PARP14: variants seen among roughly 807,000 people sequenced by gnomAD.
PARP14 encodes protein mono-ADP-ribosyltransferase PARP14.
PARP14 carries 59 observed loss-of-function variants against 154.2 expected under a neutral mutation model. The observed-to-expected ratio is 0.38, with a 90% CI of 0.31 to 0.48. The LOEUF is 0.48. Ranked by LOEUF, PARP14 falls within the 20% of genes least tolerant of loss-of-function variation. The probability of loss-of-function intolerance (pLI) is 0.98; values close to 1 mark genes in which losing one functional copy is unlikely to be tolerated. For missense variants in PARP14, 1,734 were observed against 2,131.6 expected (o/e 0.81, Z 3.67); for synonymous variants, 720 against 780.5 (o/e 0.92, Z 1.29).
Position 122,718,740 on chromosome 3 carries a change from G to A in PARP14, c.4589G>A (p.Cys1530Tyr). ...LAKEQESRAD[C>Y]ISEFIEWQYN... ...AAAGAACAGGAATCCCGGGCAGATTGTATCAGTGAGTTTATAGAATGGCAG... is the reference window on the plus strand; with the variant it reads ...AAAGAACAGGAATCCCGGGCAGATTATATCAGTGAGTTTATAGAATGGCAG... The change falls in exon 14 of 17, where the codon TGT becomes TAT. Residue 1530 changes from cysteine (C) to tyrosine (Y), a missense_variant. Physicochemically the swap from Cys to Tyr is radical, Grantham distance 194. This residue lies in a region of PARP14 where 1,646 missense variants were observed against 1,976.0 expected (regional missense o/e 0.83). Coordinates refer to ENST00000474629, the MANE Select transcript of PARP14 (RefSeq NM_017554.3). 1 of 1,613,422 alleles carries A rather than the reference G, an allele frequency of 6.2e-7. No individual in the cohort carries two copies. Among genetic ancestry groups the A allele is most frequent in the South Asian group, 1.1e-5 (1 of 91,028 alleles).
At chr3:122,698,228 G>C (rs1281481203) in intron 5 of PARP14, among the ~76,000 whole-genome samples, 1 of 152,188 alleles carries the variant, frequency 6.6e-6, no homozygotes, top group Non-Finnish European at 1.5e-5. Flanking sequence ...CTTGATACCA[G>C]CTCTAGGACC....
rs766082840 is a variant in PARP14 at position 122,701,057 on chromosome 3, G to A, written c.2503G>A (p.Ala835Thr). The change falls in exon 6 of 17, where the codon GCT becomes ACT. Residue 835 changes from alanine to threonine, a missense_variant. Coordinates refer to ENST00000474629, the MANE Select transcript of PARP14 (RefSeq NM_017554.3). The surrounding 1 kb of genome is among the most constrained non-coding windows in gnomAD (Gnocchi z 4.0). ...CCTTAAGCATTATGGTGGCCTGGCC[G>A]CTGCGCTCTCAAAAGCAGCTGGCCC... The part of the protein sequence containing the change: ...EDLKHYGGLA[A>T]ALSKAAGPEL... 7 of 1,613,938 alleles carry A rather than the reference G, an allele frequency of 4.3e-6. No homozygotes were observed. Among genetic ancestry groups the A allele is most frequent in the Non-Finnish European group, 5.1e-6 (6 of 1,179,836 alleles).
At chr3:122,685,134 A>G in intron 1 of PARP14, 51 bp from the exon 2 acceptor site, 2 of 1,599,022 alleles carry the variant, frequency 1.3e-6, no homozygotes, top group Non-Finnish European at 1.7e-6. Flanking sequence ...ATAATTTTGT[A>G]AATAAAGATT....
rs777089985 is a variant in PARP14 at position 122,701,229 on chromosome 3, G to A, written c.2675G>A (p.Arg892Lys). 6.2e-7 allele frequency: 1 copy of A among 1,613,630 alleles called. No individual in the cohort carries two copies. Among genetic ancestry groups the A allele is most frequent in the Non-Finnish European group, 8.5e-7 (1 of 1,179,726 alleles). ...GPRWSGYEAP[R>K]CVYLLRRAVQ... ...CGCTGGAGCGGATATGAGGCCCCGA[G>A]GTGTGTGTACCTATTAAGGAGAGCT... The change falls in exon 6 of 17, where the codon AGG becomes AAG. Residue 892 changes from arginine to lysine, a missense_variant. Coordinates refer to ENST00000474629, the MANE Select transcript of PARP14 (RefSeq NM_017554.3). The surrounding 1 kb of genome is among the most constrained non-coding windows in gnomAD (Gnocchi z 4.0).
At chr3:122,714,007 T>C in intron 11 of PARP14, 73 bp downstream of exon 11, 1 of 1,148,288 alleles carries the variant, frequency 8.7e-7, no homozygotes, top group Non-Finnish European at 1.3e-6. Flanking sequence ...AGAAAAGTCT[T>C]AGGGTTGGGG....
intron 3 of PARP14, among the ~76,000 whole-genome samples, chr3:122,688,407 C>T (rs1018661230): frequency 1.3e-5 from 2 of 152,164 alleles, no homozygotes; most frequent in Non-Finnish European, 2.9e-5. Context: ...CAAATGTATT[C>T]CCAGCGAAAG....
chr3:122,713,899 C>T lies in PARP14; in HGVS notation c.3797C>T (p.Ala1266Val). Residue 1266 changes from alanine (A) to valine (V), a missense_variant, in exon 11 of 17, where the codon GCT (alanine) becomes GTT (valine). This residue lies in a region of PARP14 where 1,646 missense variants were observed against 1,976.0 expected (regional missense o/e 0.83). Transcript: ENST00000474629. ...AGVSKAILEC[A>V]GQNVERECSQ... Reference sequence around the variant, plus strand: ...GTCTCCAAAGCAATTTTAGAATGTGCTGGACAAAATGTAGAAAGGGAATGT... The same window carrying T: ...GTCTCCAAAGCAATTTTAGAATGTGTTGGACAAAATGTAGAAAGGGAATGT... 6.2e-7 allele frequency: 1 copy of T among 1,612,720 alleles called. No homozygotes were observed.
intron 3 of PARP14, among the ~76,000 whole-genome samples, chr3:122,687,322 G>A (rs562974380): frequency 6.6e-6 from 1 of 152,186 alleles, no homozygotes; most frequent in Non-Finnish European, 1.5e-5. Flanking sequence ...GATTGGAACT[G>A]CTCTCTCTGG....
At chr3:122,707,003 A>T in intron 8 of PARP14, among the ~76,000 whole-genome samples, 1 of 152,204 alleles carries the variant, frequency 6.6e-6, no homozygotes, top group Non-Finnish European at 1.5e-5. Flanking sequence ...TTGGCAAGTT[A>T]TTTGCTTTGA....
intron 5 of PARP14, among the ~76,000 whole-genome samples, chr3:122,696,592 G>T (rs1209674557): frequency 2.0e-5 from 3 of 152,102 alleles, no homozygotes; most frequent in Admixed American, 2.0e-4. Flanking sequence ...GGGAGAGAGA[G>T]GGGTACATAA....
Position 122,697,194 on chromosome 3 carries a change from T to TA in PARP14, c.835+1533dup, listed in dbSNP as rs1180700641. ...GTCTTGAACTCCTGGGCTCAAGCAA[T>TA]ACTCCCTCCTTTGCCTCCTAAAGTG... is the stretch of plus-strand genomic sequence containing the variant. On this transcript the variant is annotated intron_variant, in intron 5 of 16. Coordinates refer to ENST00000474629, the MANE Select transcript of PARP14 (RefSeq NM_017554.3). Among the ~76,000 whole-genome samples the TA allele has an allele frequency of 2.0e-5, 3 of 152,194 alleles. No homozygotes were observed. The East Asian group carries it at 5.8e-4, about 29-fold the overall frequency.
Position 122,730,729 on chromosome 3 carries a change from GTGTATCGCA to G in PARP14, c.*2133_*2141del, listed in dbSNP as rs1933406140. 6.6e-6 allele frequency: 1 copy of G among 152,650 alleles called. No individual in the cohort carries two copies. The highest frequency in any genetic ancestry group is 6.5e-5 in the Admixed American group (1 of 15,290). 9.5% of individuals were successfully genotyped at this position (152,650 alleles called of 1,614,324 possible). On this transcript the variant is annotated 3_prime_UTR_variant, in exon 17 of 17. Transcript: ENST00000474629. ...ACTCAGGGCAAGGCTGAATATCAGA[GTGTATCGCA>G]CTGAAGAATAATAATCCATTCAGTA... is the stretch of plus-strand genomic sequence containing the variant.
rs918187847 is a variant in PARP14 at position 122,701,995 on chromosome 3, C to G, written c.3081+360C>G. Among the ~76,000 whole-genome samples, 1 of 152,120 alleles carries G rather than the reference C, an allele frequency of 6.6e-6. No homozygotes were observed. Among genetic ancestry groups the G allele is most frequent in the African/African-American group, 2.4e-5 (1 of 41,398 alleles). On this transcript the variant is annotated intron_variant, in intron 6 of 16. Transcript: ENST00000474629. The surrounding 1 kb of genome is among the most constrained non-coding windows in gnomAD (Gnocchi z 4.0). ...TTTCCTAATTTACTGACAGCAGATA[C>G]AGAACAATCAGAGCATAGGGTATGC...
intron 1 of PARP14, among the ~76,000 whole-genome samples, chr3:122,683,726 C>A (rs1038666951): frequency 6.6e-6 from 1 of 152,102 alleles, no homozygotes; most frequent in African/African-American, 2.4e-5. Flanking sequence ...ATCATATACC[C>A]ATATTATTAC....
In PARP14 at chr3:122,700,532, T is replaced by C. The variant is rs780594520; in HGVS notation, c.1978T>C (p.Leu660=). 1.9e-6 allele frequency: 3 copies of C among 1,600,942 alleles called. No homozygotes were observed. Among genetic ancestry groups the C allele is most frequent in the Non-Finnish European group, 2.6e-6 (3 of 1,172,900 alleles). ...CVKEVNETYK[L]LFNFVEQNMK... ...AAAAGAAGTAAATGAAACCTATAAATTGCTTTTTAACTTCGTTGAACAAAA... is the reference window on the plus strand; with the variant it reads ...AAAAGAAGTAAATGAAACCTATAAACTGCTTTTTAACTTCGTTGAACAAAA... The change falls in exon 6 of 17, where the codon TTG becomes CTG. Residue 660 remains leucine (L), a synonymous_variant. Transcript: ENST00000474629.
chr3:122,720,342 T>C lies in PARP14; in HGVS notation c.4895T>C (p.Val1632Ala). The C allele has an allele frequency of 6.2e-7, 1 of 1,613,086 alleles. No homozygotes were observed. Among genetic ancestry groups the C allele is most frequent in the Non-Finnish European group, 8.5e-7 (1 of 1,179,478 alleles). Reference sequence around the variant, plus strand: ...CCTAGTGATCCTGAGTACAACACGGTGGCAAGCAAGTTTAATCAGACCTGC... The same window carrying C: ...CCTAGTGATCCTGAGTACAACACGGCGGCAAGCAAGTTTAATCAGACCTGC... ...LLPSDPEYNTVASKFNQTCSH... is the reference protein window; with the variant it reads ...LLPSDPEYNTAASKFNQTCSH... Residue 1632 changes from valine to alanine, a missense_variant, in exon 15 of 17, where the codon GTG becomes GCG. This residue lies in a region of PARP14 where 1,646 missense variants were observed against 1,976.0 expected (regional missense o/e 0.83). Coordinates refer to ENST00000474629, the MANE Select transcript of PARP14 (RefSeq NM_017554.3).
chr3:122,728,128 A>C, intron 16 of PARP14, 142 bp downstream of exon 16: 1 of 919,654 alleles, frequency 1.1e-6, no homozygotes. Context: ...GACTCACTGT[A>C]TTTCATCCCA....
chr3:122,682,253 A>G (rs1938232570), intron 1 of PARP14, among the ~76,000 whole-genome samples: 1 of 152,170 alleles, frequency 6.6e-6, no homozygotes, highest in Non-Finnish European at 1.5e-5. Context: ...GGTTTTCCCC[A>G]CTTTGACTTC....
chr3:122,712,451 T>C (rs1180755567), intron 9 of PARP14, among the ~76,000 whole-genome samples: 2 of 152,156 alleles, frequency 1.3e-5, no homozygotes, highest in Non-Finnish European at 2.9e-5. Context: ...TTTTACCATG[T>C]TGGACAGGCT....
Sources: gnomAD v4.1 joint callset for allele counts (sites outside exome capture counted in the v4.1 genomes callset) on GRCh38, gnomAD v4.1.1 for gene constraint, gnomAD v4.1.1 regional missense constraint, Gnocchi (gnomAD v3.1) non-coding constraint, MANE v1.5 for transcripts, NCBI Gene and HGNC (gene_info 2026-07-23, HGNC 2026-07-21) for gene names.